The following TIMM21 variants were observed in gnomAD, a reference collection of about 807,000 sequenced individuals.
TIMM21 encodes translocase of inner mitochondrial membrane 21.
Under a neutral mutation model 27.7 loss-of-function variants are expected in TIMM21, and 30 were observed. The observed-to-expected ratio is 1.08, with a 90% confidence interval of 0.81 to 1.47. The LOEUF is 1.47. Among genes scored for constraint, TIMM21 ranks in the 40% most tolerant of loss-of-function variants. TIMM21 has a pLI of 0.00. For synonymous variants in TIMM21, 121 were observed against 114.4 expected, an observed-to-expected ratio of 1.06 and a Z score of -0.37; for missense variants, 292 against 302.9, an observed-to-expected ratio of 0.96 and a Z score of 0.27.
Position 74,155,446 on chromosome 18 carries a change from A to T in TIMM21, c.462+43A>T, listed in dbSNP as rs751324829. Reference sequence around the variant, plus strand: ...AGTTACATGAACTCTGATGAGGGGGAGAAAATGTCTGGGAGGAGGAAGTGG... The same window carrying T: ...AGTTACATGAACTCTGATGAGGGGGTGAAAATGTCTGGGAGGAGGAAGTGG... On this transcript the variant is annotated intron_variant, in intron 3 of 5. Transcript: ENST00000169551. 3.3e-6 allele frequency: 5 copies of T among 1,514,714 alleles called. No individual in the cohort carries two copies. The East Asian group carries it at 9.0e-5, about 27-fold the overall frequency. The allele number at this position is 1,514,714 out of a possible 1,614,324, so 93.8% of individuals were successfully genotyped here.
chr18:74,148,686 C>A lies in TIMM21; in HGVS notation c.-123C>A. 1.0e-6 allele frequency: 1 copy of A among 996,110 alleles called. No homozygotes were observed. The highest frequency in any genetic ancestry group is 2.3e-5 in the Admixed American group (1 of 42,902). 61.7% of individuals were successfully genotyped at this position (996,110 alleles called of 1,614,324 possible). A position where few individuals can be genotyped will look rare whatever the true frequency, so the allele number is the denominator to read the frequency against. ...ACGCTGCGGAAACTGACGTTTTTGCCTAACACCCCATGTAATGTAAACGTA... is the reference window on the plus strand; with the variant it reads ...ACGCTGCGGAAACTGACGTTTTTGCATAACACCCCATGTAATGTAAACGTA... On this transcript the variant is annotated 5_prime_UTR_variant, in exon 1 of 6. Coordinates refer to ENST00000169551, the MANE Select transcript of TIMM21 (RefSeq NM_014177.3).
chr18:74,158,839 TAAAACTAACAAATA>T lies in TIMM21; in HGVS notation c.*360_*373del. Reference sequence around the variant, plus strand: ...CTGCATAATGTCTGCAGAATAAAATTAAAACTAACAAATATGTCATTAGCAGCTGCCCTCCGCAT... The same window carrying T: ...CTGCATAATGTCTGCAGAATAAAATTTGTCATTAGCAGCTGCCCTCCGCAT... On this transcript the variant is annotated 3_prime_UTR_variant, in exon 6 of 6. Transcript: ENST00000169551. 2 of 193,330 alleles carry T rather than the reference TAAAACTAACAAATA, an allele frequency of 1.0e-5. No individual in the cohort carries two copies. Among genetic ancestry groups the T allele is most frequent in the Non-Finnish European group, 2.1e-5 (2 of 95,006 alleles). 12.0% of individuals were successfully genotyped at this position (193,330 alleles called of 1,614,324 possible). A position where few individuals can be genotyped will look rare whatever the true frequency, so the allele number is the denominator to read the frequency against.
rs945513546 is a variant in TIMM21, at chr18:74,159,745, C to T, written c.*1265C>T. On this transcript the variant is annotated 3_prime_UTR_variant, in exon 6 of 6. Transcript: ENST00000169551. ...CTTAACTTAGGCTTTCTCTCCTAAT[C>T]GTTTTTTCCTTTGCTATAGAATGTT... 2.6e-5 allele frequency: 4 copies of T among 152,206 alleles called. No homozygotes were observed. The highest frequency in any genetic ancestry group is 4.4e-5 in the Non-Finnish European group (3 of 68,044). The allele number at this position is 152,206 out of a possible 1,614,324, so 9.4% of individuals were successfully genotyped here. A position where few individuals can be genotyped will look rare whatever the true frequency, so the allele number is the denominator to read the frequency against.
Position 74,148,879 on chromosome 18 carries a change from T to C in TIMM21, c.71T>C (p.Leu24Pro). Residue 24 changes from leucine to proline, a missense_variant, in exon 1 of 6, where the codon CTT becomes CCT. Transcript: ENST00000169551. Reference sequence around the variant, plus strand: ...CACAGGTCCTCGGCAAAGCGATTGCTTTTGCCATACATCGTGCTTAACAAA... The same window carrying C: ...CACAGGTCCTCGGCAAAGCGATTGCCTTTGCCATACATCGTGCTTAACAAA... ...KLHRSSAKRL[L>P]LPYIVLNKAC... is the part of the protein sequence containing the mutation. 6.2e-7 allele frequency: 1 copy of C among 1,614,186 alleles called. No homozygotes were observed. The highest frequency in any genetic ancestry group is 8.5e-7 in the Non-Finnish European group (1 of 1,180,014).
intron 1 of TIMM21, among the ~76,000 whole-genome samples, chr18:74,154,082 A>G (rs1307260740): frequency 6.6e-6 from 1 of 152,210 alleles, no homozygotes; most frequent in Non-Finnish European, 1.5e-5. Context: ...TTGGTAAGTG[A>G]AAAAATAGAA....
rs1979686283 is a variant in TIMM21, at chr18:74,148,816, G to T, written c.8G>T (p.Cys3Phe). 6.2e-7 allele frequency: 1 copy of T among 1,602,880 alleles called. No homozygotes were observed. Among genetic ancestry groups the T allele is most frequent in the Non-Finnish European group, 8.5e-7 (1 of 1,170,686 alleles). MI[C>F]TFLRAVQYTE... is the part of the protein sequence containing the mutation. Reference sequence around the variant, plus strand: ...GAACGATTTTCCGTGAACATGATTTGTACTTTTCTACGAGCCGTACAGTAT... The same window carrying T: ...GAACGATTTTCCGTGAACATGATTTTTACTTTTCTACGAGCCGTACAGTAT... Residue 3 changes from cysteine (C) to phenylalanine (F), a missense_variant, in exon 1 of 6, where the codon TGT (cysteine) becomes TTT (phenylalanine). Physicochemically the swap from Cys to Phe is radical, Grantham distance 205. Transcript: ENST00000169551.
chr18:74,149,228 C>T (rs1460400386), intron 1 of TIMM21, 119 bp downstream of exon 1: 4 of 1,152,820 alleles, frequency 3.5e-6, no homozygotes, highest in Admixed American at 2.9e-5. Flanking sequence ...TTTTTAAAAA[C>T]CGTTTAAACA....
Position 74,155,181 on chromosome 18 carries a change from T to C in TIMM21, c.338T>C (p.Val113Ala). Residue 113 changes from valine to alanine, a missense_variant, in exon 2 of 6, where the codon GTG (valine) becomes GCG (alanine). Physicochemically the swap from Val to Ala is moderately conservative, Grantham distance 64. Transcript: ENST00000169551. The part of the protein sequence containing the change: ...EAGRDFTYLI[V>A]VLFGISITGG... The stretch of plus-strand genomic sequence containing the variant: ...GGAAGAGATTTTACCTATTTAATAG[T>C]GGTGCTTTTTGGAATCAGCATTACA... 6.2e-7 allele frequency: 1 copy of C among 1,614,218 alleles called. No individual in the cohort carries two copies.
rs1258336937 is a variant in TIMM21 at position 74,158,287 on chromosome 18, C to T, written c.642+11C>T. Reference sequence around the variant, plus strand: ...GCGCAAGTGAAAGAGGTGTGGGAATCATGGGATGTGGGGTCAGAGGTTCTG... The same window carrying T: ...GCGCAAGTGAAAGAGGTGTGGGAATTATGGGATGTGGGGTCAGAGGTTCTG... On this transcript the variant is annotated intron_variant, in intron 5 of 5. Coordinates refer to ENST00000169551, the MANE Select transcript of TIMM21 (RefSeq NM_014177.3). The T allele has an allele frequency of 6.2e-7, 1 of 1,613,810 alleles. No homozygotes were observed. The highest frequency in any genetic ancestry group is 2.2e-5 in the East Asian group (1 of 44,888).
intron 1 of TIMM21, among the ~76,000 whole-genome samples, chr18:74,151,051 C>G (rs1254075364): frequency 1.3e-5 from 2 of 152,096 alleles, no homozygotes; most frequent in African/African-American, 4.8e-5. Context: ...CCAGGTAAGT[C>G]CCTGGACCCA....
Position 74,159,578 on chromosome 18 carries a change from T to TC in TIMM21, c.*1101dup, listed in dbSNP as rs1468063832. ...ATCTATCTCCCCTTTTTACTTTATC[T>TC]CCCTGCTTAATTTAGTTAGTTTCTT... On this transcript the variant is annotated 3_prime_UTR_variant, in exon 6 of 6. Coordinates refer to ENST00000169551, the MANE Select transcript of TIMM21 (RefSeq NM_014177.3). 3 of 152,182 alleles carry TC rather than the reference T, an allele frequency of 2.0e-5. No individual in the cohort carries two copies. Among genetic ancestry groups the TC allele is most frequent in the Non-Finnish European group, 4.4e-5 (3 of 68,040 alleles). The allele number at this position is 152,182 out of a possible 1,614,324, so 9.4% of individuals were successfully genotyped here.
intron 1 of TIMM21, among the ~76,000 whole-genome samples, chr18:74,150,360 T>G (rs1447954226): frequency 6.6e-6 from 1 of 152,232 alleles, no homozygotes; most frequent in Non-Finnish European, 1.5e-5. Context: ...TTTTGAGCAC[T>G]TGAAATGTTG....
Position 74,160,395 on chromosome 18 carries a change from C to T in TIMM21, c.*1915C>T, listed in dbSNP as rs938428789. 14 of 151,806 alleles carry T rather than the reference C, an allele frequency of 9.2e-5. No individual in the cohort carries two copies. The highest frequency in any genetic ancestry group is 9.2e-4 in the Admixed American group (14 of 15,218). The allele number at this position is 151,806 out of a possible 1,614,324, so 9.4% of individuals were successfully genotyped here. A position where few individuals can be genotyped will look rare whatever the true frequency, so the allele number is the denominator to read the frequency against. On this transcript the variant is annotated 3_prime_UTR_variant, in exon 6 of 6. Coordinates refer to ENST00000169551, the MANE Select transcript of TIMM21 (RefSeq NM_014177.3). ...TAAATTACTTTTTCAAAAGGAAAAA[C>T]TCTGTACCAATAAGAGATTCTTCTG...
chr18:74,149,175 ATACCAAG>A, intron 1 of TIMM21, 66 bp downstream of exon 1: 1 of 1,525,826 alleles, frequency 6.6e-7, no homozygotes, highest in Non-Finnish European at 8.8e-7. Flanking sequence ...ATGCCCTTTT[ATACCAAG>A]TTCACTGCTA....
intron 1 of TIMM21, among the ~76,000 whole-genome samples, chr18:74,149,926 C>G (rs73476581): frequency 0.088 from 13,374 of 152,236 alleles, 1,091 homozygotes; most frequent in African/African-American, 0.21. Flanking sequence ...CCCATTCAGA[C>G]GTGACAGTCC....
intron 1 of TIMM21, among the ~76,000 whole-genome samples, chr18:74,149,502 T>C (rs2121912009): frequency 6.6e-6 from 1 of 152,174 alleles, no homozygotes; most frequent in African/African-American, 2.4e-5. Context: ...GAGGATGGAA[T>C]GTAAGTTGTC....
At chr18:74,149,215 G>A (rs1236637377) in intron 1 of TIMM21, 106 bp downstream of exon 1, 3 of 1,312,100 alleles carry the variant, frequency 2.3e-6, no homozygotes, top group Non-Finnish European at 2.1e-6. Context: ...CAATTCACAT[G>A]AATTTTTAAA....
In TIMM21 at chr18:74,148,975, G is replaced by A. The variant is rs1002907077; in HGVS notation, c.167G>A (p.Cys56Tyr). 2 of 1,614,102 alleles carry A rather than the reference G, an allele frequency of 1.2e-6. No homozygotes were observed. Among genetic ancestry groups the A allele is most frequent in the African/African-American group, 1.3e-5 (1 of 74,934 alleles). ...QYQKKTLRPR[C>Y]ILGVTQKTIW... ...CAAAAGAAAACGCTGCGACCTAGAT[G>A]TATTCTTGGAGTCACCCAGAAAACC... is the stretch of plus-strand genomic sequence containing the variant. The change falls in exon 1 of 6, where the codon TGT becomes TAT. Residue 56 changes from cysteine to tyrosine, a missense_variant. Cys to Tyr is a radical substitution (Grantham distance 194). Transcript: ENST00000169551.
At chr18:74,153,044 G>C (rs1431079256) in intron 1 of TIMM21, among the ~76,000 whole-genome samples, 1 of 152,220 alleles carries the variant, frequency 6.6e-6, no homozygotes, top group Non-Finnish European at 1.5e-5. Flanking sequence ...GCTGACAACT[G>C]TCCGCTACCA....
Sources: allele counts gnomAD v4.1 joint callset (sites outside exome capture counted in the v4.1 genomes callset), GRCh38; gene constraint gnomAD v4.1.1; transcripts MANE v1.5; gene names NCBI Gene and HGNC (gene_info 2026-07-23, HGNC 2026-07-21).